The following LRRC28 variants were observed in gnomAD, a reference collection of about 807,000 sequenced individuals.
The protein encoded by LRRC28 is leucine-rich repeat-containing protein 28.
A neutral mutation model predicts 45.7 loss-of-function variants in LRRC28; 39 were observed. That is an observed-to-expected ratio of 0.85 (90% confidence interval 0.66 to 1.12). The LOEUF (loss-of-function observed/expected upper bound fraction) is 1.12. Ranked by LOEUF, LRRC28 falls within the 50% of genes most tolerant of loss-of-function variation. The pLI, the probability that LRRC28 is intolerant of heterozygous loss-of-function variation, is 0.00. For synonymous variants in LRRC28, 206 were observed against 178.8 expected (o/e 1.15, Z -1.22); for missense variants, 435 against 438.5 (o/e 0.99, Z 0.07).
At chr15:99,363,014 C>A in intron 8 of LRRC28, 92 bp from the exon 9 acceptor site, 1 of 1,367,662 alleles carries the variant, frequency 7.3e-7, no homozygotes. Flanking sequence ...TTTTAAGTAA[C>A]TGAACTTATT....
At chr15:99,356,731 C>G (rs1957057494) in intron 7 of LRRC28, among the ~76,000 whole-genome samples, 1 of 151,988 alleles carries the variant, frequency 6.6e-6, no homozygotes, top group African/African-American at 2.4e-5. Flanking sequence ...AGTATAAATT[C>G]AAAGAAAACC....
chr15:99,331,331 A>G (rs1447797997), intron 5 of LRRC28, among the ~76,000 whole-genome samples: 2 of 152,188 alleles, frequency 1.3e-5, no homozygotes, highest in Non-Finnish European at 2.9e-5. Context: ...AATTTTTAGC[A>G]TTGGCATCAG....
chr15:99,383,761 A>G (rs955899076), intron 9 of LRRC28, among the ~76,000 whole-genome samples: 1 of 151,918 alleles, frequency 6.6e-6, no homozygotes, highest in Non-Finnish European at 1.5e-5. Flanking sequence ...CCTCCTGGAG[A>G]TTTTCAGGAG....
At chr15:99,370,629 C>CAA (rs1957459081) in intron 9 of LRRC28, among the ~76,000 whole-genome samples, 1 of 152,054 alleles carries the variant, frequency 6.6e-6, no homozygotes, top group Non-Finnish European at 1.5e-5. Context: ...AGCCCTTTGC[C>CAA]TAAAACTGTA....
intron 3 of LRRC28, among the ~76,000 whole-genome samples, chr15:99,284,058 G>A (rs948054027): frequency 7.2e-5 from 11 of 152,210 alleles, no homozygotes; most frequent in African/African-American, 2.4e-4. Context: ...TTAGGAGAGA[G>A]AGCAGTTCAG....
intron 1 of LRRC28, among the ~76,000 whole-genome samples, 157 bp from the exon 2 acceptor site, chr15:99,255,741 A>T (rs567078579): frequency 1.3e-5 from 2 of 152,296 alleles, no homozygotes; most frequent in South Asian, 4.1e-4. Context: ...CTCCTCCTAA[A>T]TATGTGTGAC....
Position 99,363,141 on chromosome 15 carries a change from A to T in LRRC28, c.907A>T (p.Ser303Cys), listed in dbSNP as rs767871267. 1 of 1,613,278 alleles carries T rather than the reference A, an allele frequency of 6.2e-7. No homozygotes were observed. The highest frequency in any genetic ancestry group is 1.3e-5 in the African/African-American group (1 of 74,886). The change falls in exon 9 of 10, where the codon AGT becomes TGT. Residue 303 changes from serine to cysteine, a missense_variant. Coordinates refer to ENST00000301981, the MANE Select transcript of LRRC28 (RefSeq NM_144598.5). ...TCTGTCTCCAATCTCATTACCCAGA[A>T]GTCTCCTAGAGCTGCTGCACTGCCC... is the stretch of plus-strand genomic sequence containing the variant. ...NFLSPISLPR[S>C]LLELLHCPLG...
chr15:99,389,405 A>G lies in LRRC28; in HGVS notation c.*3303A>G, dbSNP rs2152565707. 1 of 152,234 alleles carries G rather than the reference A, an allele frequency of 6.6e-6. No individual in the cohort carries two copies. Among genetic ancestry groups the G allele is most frequent in the Middle Eastern group, 3.4e-3 (1 of 294 alleles). The allele number at this position is 152,234 out of a possible 1,614,324, so 9.4% of individuals were successfully genotyped here. A position where few individuals can be genotyped will look rare whatever the true frequency, so the allele number is the denominator to read the frequency against. On this transcript the variant is annotated 3_prime_UTR_variant, in exon 10 of 10. Transcript: ENST00000301981. ...GGGACTTTCAAAGCCAATTTTTAAA[A>G]TTAGTAGTAGTAAAGGTTTTTCCCT...
intron 6 of LRRC28, among the ~76,000 whole-genome samples, chr15:99,334,971 G>A (rs1597371032): frequency 1.3e-5 from 2 of 151,922 alleles, no homozygotes; most frequent in East Asian, 3.9e-4. Flanking sequence ...TATGTTCAAG[G>A]TAACTTTAAA....
Position 99,363,212 on chromosome 15 carries a change from C to G in LRRC28, c.978C>G (p.Val326=). 1 of 1,614,040 alleles carries G rather than the reference C, an allele frequency of 6.2e-7. No homozygotes were observed. Among genetic ancestry groups the G allele is most frequent in the Non-Finnish European group, 8.5e-7 (1 of 1,179,930 alleles). The part of the protein sequence containing the change: ...HRCSEPMFTI[V]YPKLFPLRET... ...GTAGTGAGCCTATGTTTACCATCGT[C>G]TACCCCAAGCTCTTTCCCTTGAGAG... The change falls in exon 9 of 10, where the codon GTC becomes GTG. Residue 326 remains valine (V), a synonymous_variant. Coordinates refer to ENST00000301981, the MANE Select transcript of LRRC28 (RefSeq NM_144598.5).
At chr15:99,271,779 A>C (rs2081486626) in intron 2 of LRRC28, among the ~76,000 whole-genome samples, 1 of 152,062 alleles carries the variant, frequency 6.6e-6, no homozygotes, top group Non-Finnish European at 1.5e-5. Flanking sequence ...TTGTATTTTT[A>C]GTAGAGATGA....
chr15:99,340,460 A>G (rs1312465221), intron 6 of LRRC28, among the ~76,000 whole-genome samples: 1 of 152,258 alleles, frequency 6.6e-6, no homozygotes, highest in African/African-American at 2.4e-5. Context: ...AAAAAAGTCC[A>G]CACAGTAAAA....
chr15:99,341,132 C>T (rs1476931429), intron 6 of LRRC28, among the ~76,000 whole-genome samples: 6 of 142,574 alleles, frequency 4.2e-5, no homozygotes, highest in African/African-American at 1.6e-4. Context: ...GCTCTGTCAC[C>T]CAGGCTGGAG....
intron 2 of LRRC28, among the ~76,000 whole-genome samples, chr15:99,256,975 C>G (rs934280285): frequency 6.6e-6 from 1 of 152,166 alleles, no homozygotes. Flanking sequence ...AATCTTACTA[C>G]TTTGTGAATT....
At position 99,320,222 on chromosome 15, in the gene LRRC28, A is replaced by G. The variant is rs560767925; in HGVS notation, c.386-13701A>G. On this transcript the variant is annotated intron_variant, in intron 5 of 9. Coordinates refer to ENST00000301981, the MANE Select transcript of LRRC28 (RefSeq NM_144598.5). The stretch of plus-strand genomic sequence containing the variant: ...TAATTTTTTTAAGTTCTTCTTGTAT[A>G]TTGCTTATATTAGACAAATGCATAA... 1.5e-4 allele frequency among the ~76,000 whole-genome samples: 23 copies of G among 152,272 alleles called. No homozygotes were observed. In the South Asian group the frequency reaches 3.5e-3, roughly 23 times the overall value.
At chr15:99,385,525 A>T (rs1376520504) in intron 9 of LRRC28, among the ~76,000 whole-genome samples, 1 of 152,250 alleles carries the variant, frequency 6.6e-6, no homozygotes, top group Non-Finnish European at 1.5e-5. Context: ...GAACTGTATT[A>T]TTCAGATTCT....
intron 2 of LRRC28, among the ~76,000 whole-genome samples, chr15:99,260,593 C>T (rs1291826277): frequency 6.6e-6 from 1 of 152,228 alleles, no homozygotes; most frequent in African/African-American, 2.4e-5. Flanking sequence ...AAAGCCCACC[C>T]ATTGCCTGAT....
chr15:99,374,006 A>G (rs1402559398), intron 9 of LRRC28, among the ~76,000 whole-genome samples: 2 of 152,188 alleles, frequency 1.3e-5, no homozygotes, highest in Admixed American at 6.5e-5. Context: ...AGTTTAGATT[A>G]TGGTAGGCCT....
At chr15:99,301,138 A>G (rs1315669419) in intron 5 of LRRC28, among the ~76,000 whole-genome samples, 1 of 152,242 alleles carries the variant, frequency 6.6e-6, no homozygotes, top group Non-Finnish European at 1.5e-5. Flanking sequence ...AAGATCCAAT[A>G]GCATAGTTGA....
Sources: allele counts gnomAD v4.1 joint callset (sites outside exome capture counted in the v4.1 genomes callset), GRCh38; gene constraint gnomAD v4.1.1; transcripts MANE v1.5; gene names NCBI Gene and HGNC (gene_info 2026-07-23, HGNC 2026-07-21).